The following KANK1 variants were observed in gnomAD, a reference collection of about 807,000 sequenced individuals.
KANK1 encodes KN motif and ankyrin repeat domains 1.
A neutral mutation model predicts 106.2 loss-of-function variants in KANK1; 109 were observed. That is an observed-to-expected ratio of 1.03 (90% CI 0.88 to 1.20). The LOEUF is 1.20. Among genes scored for constraint, KANK1 ranks in the 50% most tolerant of loss-of-function variants. The pLI is 0.00. For missense variants in KANK1, 2,399 were observed against 1,710.7 expected (o/e 1.40, Z -7.10); for synonymous variants, 873 against 652.2 (o/e 1.34, Z -5.16).
At chr9:528,492 T>C (rs2059908882) in intron 1 of KANK1, among the ~76,000 whole-genome samples, 1 of 109,310 alleles carries the variant, frequency 9.1e-6, no homozygotes. Flanking sequence ...TTTTTTTTTT[T>C]TTTTTTTGAG....
upstream of KANK1, among the ~76,000 whole-genome samples, chr9:503,434 A>C (rs1219070071): frequency 6.6e-6 from 1 of 152,150 alleles, no homozygotes; most frequent in African/African-American, 2.4e-5. Context: ...CCTATTCCCT[A>C]AACAGTCAGG....
chr9:591,506 C>T (rs914980113), intron 1 of KANK1, among the ~76,000 whole-genome samples: 2 of 151,690 alleles, frequency 1.3e-5, no homozygotes, highest in Non-Finnish European at 2.9e-5. Context: ...TGTCACTCAC[C>T]CTTGAACACT....
chr9:601,945 T>G (rs952394794), intron 1 of KANK1, among the ~76,000 whole-genome samples: 1 of 151,888 alleles, frequency 6.6e-6, no homozygotes, highest in Non-Finnish European at 1.5e-5. Context: ...TGGCTTTTTG[T>G]CTTCCATGAG....
intron 1 of KANK1, among the ~76,000 whole-genome samples, chr9:518,931 C>G (rs758557639): frequency 2.6e-5 from 4 of 151,316 alleles, no homozygotes. Context: ...GCTCTTGTTG[C>G]CCAGGCTGGA....
intron 1 of KANK1, among the ~76,000 whole-genome samples, chr9:537,489 T>C (rs532359669): frequency 9.8e-5 from 15 of 152,308 alleles, no homozygotes; most frequent in African/African-American, 3.4e-4. Context: ...TGCTAATGTC[T>C]TTGATAAACA....
chr9:574,663 C>T (rs2804271), intron 1 of KANK1, among the ~76,000 whole-genome samples: 120,589 of 151,684 alleles, frequency 0.8, 48,374 homozygotes, highest in African/African-American at 0.91. Context: ...AAGACCAGCC[C>T]GGCCAACACA....
At chr9:598,698 TCGG>T (rs1443785127) in intron 1 of KANK1, among the ~76,000 whole-genome samples, 32 of 123,100 alleles carry the variant, frequency 2.6e-4, no homozygotes, top group Middle Eastern at 8.3e-3. Context: ...TGGCACGACC[TCGG>T]CTCACTGCAA....
intron 1 of KANK1, among the ~76,000 whole-genome samples, chr9:504,992 G>A (rs1413101092): frequency 2.6e-5 from 4 of 151,404 alleles, no homozygotes; most frequent in Non-Finnish European, 5.9e-5. Context: ...CGTCGGCCCC[G>A]CGGCCGTCGG....
At chr9:587,731 G>C (rs1823856128) in intron 1 of KANK1, among the ~76,000 whole-genome samples, 1 of 152,022 alleles carries the variant, frequency 6.6e-6, no homozygotes, top group South Asian at 2.1e-4. Context: ...CATAACCCTT[G>C]GTACTTTTAT....
chr9:480,355 G>A (rs1337823790), intron 3 of KANK1, among the ~76,000 whole-genome samples: 3 of 152,208 alleles, frequency 2.0e-5, no homozygotes, highest in African/African-American at 4.8e-5. Flanking sequence ...AAAAGGCTAG[G>A]TGGACACGTG....
intron 1 of KANK1, among the ~76,000 whole-genome samples, chr9:537,725 G>A (rs2060378866): frequency 6.6e-6 from 1 of 152,204 alleles, no homozygotes; most frequent in Non-Finnish European, 1.5e-5. Flanking sequence ...AGTGTTTGGA[G>A]ACATTTTTGG....
rs1383597659 is a variant in KANK1 at position 504,743 on chromosome 9, G to T, written c.-95G>T. ...GAGCGAGCGGCCGGCAGGTTGGGAG[G>T]AGCGGCCGAAGGTGAGTGACGCGGC... On this transcript the variant is annotated 5_prime_UTR_variant, in exon 1 of 12. Coordinates refer to ENST00000382297, the MANE Select transcript of KANK1 (RefSeq NM_015158.5). 1 of 150,518 alleles carries T rather than the reference G, an allele frequency of 6.6e-6. No homozygotes were observed. The highest frequency in any genetic ancestry group is 2.4e-5 in the African/African-American group (1 of 41,038). 9.3% of individuals were successfully genotyped at this position (150,518 alleles called of 1,614,324 possible).
intron 2 of KANK1, among the ~76,000 whole-genome samples, chr9:681,371 G>A (rs565516662): frequency 6.6e-6 from 1 of 152,312 alleles, no homozygotes; most frequent in South Asian, 2.1e-4. Context: ...GAAAATAGCT[G>A]TGTTTCTTTG....
chr9:587,507 A>G (rs1307089972), intron 1 of KANK1, among the ~76,000 whole-genome samples: 1 of 152,196 alleles, frequency 6.6e-6, no homozygotes, highest in Non-Finnish European at 1.5e-5. Flanking sequence ...TATTCAATAA[A>G]CCTAGAAAAT....
intron 1 of KANK1, among the ~76,000 whole-genome samples, chr9:636,995 T>C (rs1837302528): frequency 1.3e-5 from 2 of 152,246 alleles, no homozygotes; most frequent in African/African-American, 4.8e-5. Context: ...TTCAAAACTT[T>C]GTTTATACCT....
chr9:607,317 C>A (rs1390657407), intron 1 of KANK1, among the ~76,000 whole-genome samples: 1 of 151,436 alleles, frequency 6.6e-6, no homozygotes, highest in Non-Finnish European at 1.5e-5. Flanking sequence ...GAGAACCCGT[C>A]TCTACTATAA....
At chr9:510,313 AGC>A (rs1187221579) in intron 1 of KANK1, among the ~76,000 whole-genome samples, 1 of 152,188 alleles carries the variant, frequency 6.6e-6, no homozygotes, top group East Asian at 1.9e-4. Context: ...TTGAGCCAAG[AGC>A]TTGAAAGGAT....
At chr9:475,644 T>C (rs1476830449) in intron 3 of KANK1, among the ~76,000 whole-genome samples, 1 of 152,234 alleles carries the variant, frequency 6.6e-6, no homozygotes, top group Admixed American at 6.5e-5. Flanking sequence ...CTTTTTAGTC[T>C]GACTCTGGCA....
At chr9:511,582 C>G (rs978770959) in intron 1 of KANK1, among the ~76,000 whole-genome samples, 10 of 152,082 alleles carry the variant, frequency 6.6e-5, no homozygotes, top group African/African-American at 2.4e-4. Context: ...AGTCACCTGT[C>G]CAGACTCAAG....
Sources: gnomAD v4.1 joint callset for allele counts (sites outside exome capture counted in the v4.1 genomes callset) on GRCh38, gnomAD v4.1.1 for gene constraint, MANE v1.5 for transcripts, NCBI Gene and HGNC (gene_info 2026-07-23, HGNC 2026-07-21) for gene names.